Variants in CABCOCO1 observed in about 807,000 individuals in gnomAD.
The protein encoded by CABCOCO1 is ciliary-associated calcium-binding coiled-coil protein 1.
A neutral mutation model predicts 35.7 loss-of-function variants in CABCOCO1; 28 were observed. That is an observed-to-expected ratio of 0.78 (90% CI 0.58 to 1.07). The LOEUF is 1.07. Ranked by LOEUF, CABCOCO1 falls within the 50% of genes least tolerant of loss-of-function variation. CABCOCO1 has a pLI of 0.00. For synonymous variants in CABCOCO1, 95 were observed against 100.1 expected, an observed-to-expected ratio of 0.95 and a Z score of 0.30; for missense variants, 326 against 309.2, an observed-to-expected ratio of 1.05 and a Z score of -0.41.
intron 5 of CABCOCO1, among the ~76,000 whole-genome samples, chr10:61,739,481 A>G (rs934783683): frequency 6.6e-6 from 1 of 152,262 alleles, no homozygotes; most frequent in African/African-American, 2.4e-5. Context: ...AGTTTTAAGC[A>G]TGAGACTGGT....
chr10:61,748,620 C>T (rs1039396285), intron 5 of CABCOCO1, among the ~76,000 whole-genome samples: 1 of 152,174 alleles, frequency 6.6e-6, no homozygotes, highest in African/African-American at 2.4e-5. Flanking sequence ...GCAGTTATGC[C>T]TTTGACTAGT....
intron 5 of CABCOCO1, among the ~76,000 whole-genome samples, chr10:61,740,534 A>T (rs1841526769): frequency 6.6e-6 from 1 of 152,248 alleles, no homozygotes; most frequent in Non-Finnish European, 1.5e-5. Flanking sequence ...GACTTGGAAT[A>T]AAAACCAAAG....
chr10:61,722,667 G>C (rs1266579426), intron 5 of CABCOCO1, among the ~76,000 whole-genome samples: 1 of 151,256 alleles, frequency 6.6e-6, no homozygotes. Context: ...ATAAATTCAA[G>C]AATTGCTTCT....
intron 5 of CABCOCO1, among the ~76,000 whole-genome samples, chr10:61,711,656 A>G (rs61850495): frequency 0.042 from 6,343 of 152,098 alleles, 275 homozygotes; most frequent in African/African-American, 0.1. Context: ...GGAGAACAAC[A>G]GAAAACATTC....
At chr10:61,759,987 T>A in intron 5 of CABCOCO1, 72 bp from the exon 6 acceptor site, 1 of 1,570,412 alleles carries the variant, frequency 6.4e-7, no homozygotes, top group East Asian at 2.2e-5. Flanking sequence ...GGTACATATA[T>A]AACGGAACTG....
intron 5 of CABCOCO1, among the ~76,000 whole-genome samples, chr10:61,749,876 A>G (rs990154308): frequency 1.3e-5 from 2 of 152,140 alleles, no homozygotes; most frequent in African/African-American, 2.4e-5. Context: ...CTTTCCTCCC[A>G]ATGCAGTATG....
intron 5 of CABCOCO1, among the ~76,000 whole-genome samples, chr10:61,747,704 T>C (rs1256856691): frequency 6.6e-6 from 1 of 152,226 alleles, no homozygotes; most frequent in Non-Finnish European, 1.5e-5. Context: ...AGTCGATTGA[T>C]ACTTCGATCT....
chr10:61,679,090 A>G (rs1265744324), intron 2 of CABCOCO1, among the ~76,000 whole-genome samples: 1 of 152,152 alleles, frequency 6.6e-6, no homozygotes, highest in Admixed American at 6.6e-5. Context: ...GTTGTCACAC[A>G]CATATTACCC....
At chr10:61,697,788 A>G (rs1840334966) in intron 5 of CABCOCO1, among the ~76,000 whole-genome samples, 1 of 152,126 alleles carries the variant, frequency 6.6e-6, no homozygotes, top group Non-Finnish European at 1.5e-5. Context: ...TAACATATTG[A>G]TAGACAGAGT....
At chr10:61,729,752 G>A (rs1344331813) in intron 5 of CABCOCO1, among the ~76,000 whole-genome samples, 2 of 152,156 alleles carry the variant, frequency 1.3e-5, no homozygotes, top group East Asian at 1.9e-4. Context: ...AGAATGTGGT[G>A]TATACATACA....
At chr10:61,667,548 TCTCTTTTATCAAGTCTTG>T (rs1451229292) in intron 1 of CABCOCO1, among the ~76,000 whole-genome samples, 3 of 151,896 alleles carry the variant, frequency 2.0e-5, no homozygotes, top group African/African-American at 4.8e-5. Context: ...TTTCAATAAA[TCTCTTTTATCAAGTCTTG>T]TTCTTGAAAT....
chr10:61,718,175 T>C (rs1156609235), intron 5 of CABCOCO1, among the ~76,000 whole-genome samples: 1 of 152,214 alleles, frequency 6.6e-6, no homozygotes, highest in Non-Finnish European at 1.5e-5. Flanking sequence ...GAAATCTTCC[T>C]ACTTGTTTTC....
At chr10:61,750,474 G>A (rs992420821) in intron 5 of CABCOCO1, among the ~76,000 whole-genome samples, 36 of 152,162 alleles carry the variant, frequency 2.4e-4, no homozygotes, top group Non-Finnish European at 2.9e-4. Context: ...TACTTGGGAG[G>A]CTGAGGCAGG....
intron 5 of CABCOCO1, among the ~76,000 whole-genome samples, chr10:61,739,725 G>A (rs933726758): frequency 6.6e-6 from 1 of 152,162 alleles, no homozygotes; most frequent in Admixed American, 6.5e-5. Flanking sequence ...GCTGAGGCAC[G>A]AGGTCAGGAG....
chr10:61,742,299 G>T (rs905466175), intron 5 of CABCOCO1, among the ~76,000 whole-genome samples: 5 of 152,052 alleles, frequency 3.3e-5, no homozygotes, highest in African/African-American at 1.2e-4. Context: ...ACTTTATAGT[G>T]CCACCCACAT....
chr10:61,703,624 G>A (rs1840519344), intron 5 of CABCOCO1, among the ~76,000 whole-genome samples: 1 of 152,072 alleles, frequency 6.6e-6, no homozygotes, highest in Admixed American at 6.6e-5. Flanking sequence ...CACCATTGAT[G>A]TGAACTAAGG....
At chr10:61,690,705 G>A (rs1277190296) in intron 5 of CABCOCO1, 84 bp downstream of exon 5, 6 of 810,130 alleles carry the variant, frequency 7.4e-6, no homozygotes, top group East Asian at 2.6e-5. Context: ...ACTGCTTAAA[G>A]CAACTTCTTG....
chr10:61,752,380 G>A (rs1448365510), intron 5 of CABCOCO1, among the ~76,000 whole-genome samples: 6 of 108,982 alleles, frequency 5.5e-5, no homozygotes, highest in South Asian at 3.0e-4. Context: ...AAAAAAAAAA[G>A]GGTAGGGGCT....
At chr10:61,701,795 A>G (rs934818041) in intron 5 of CABCOCO1, 10 of 984,954 alleles carry the variant, frequency 1.0e-5, no homozygotes, top group East Asian at 1.1e-4. Flanking sequence ...AATAACCTGG[A>G]TTTTCCAAGA....
Sources: allele counts gnomAD v4.1 joint callset (sites outside exome capture counted in the v4.1 genomes callset), GRCh38; gene constraint gnomAD v4.1.1; transcripts MANE v1.5; gene names NCBI Gene and HGNC (gene_info 2026-07-23, HGNC 2026-07-21).